The following VPS13B variants were observed in gnomAD, a reference collection of about 807,000 sequenced individuals.
VPS13B encodes intermembrane lipid transfer protein VPS13B.
Under a neutral mutation model 426.4 loss-of-function variants are expected in VPS13B, and 285 were observed. The ratio of observed to expected loss-of-function variants is 0.67; its 90% CI spans 0.61 to 0.74. VPS13B has a LOEUF of 0.74. Among genes scored for constraint, VPS13B ranks in the 30% least tolerant of loss-of-function variants. The pLI, the probability that VPS13B is intolerant of heterozygous loss-of-function variation, is 0.00. For synonymous variants in VPS13B, 1,676 were observed against 1,676.4 expected, an observed-to-expected ratio of 1.00 and a Z score of 0.01; for missense variants, 4,537 against 4,782.6, an observed-to-expected ratio of 0.95 and a Z score of 1.51.
At position 99,430,457 on chromosome 8, in the gene VPS13B, T is replaced by C. The variant is rs552555081; in HGVS notation, c.3083-1080T>C. Among the ~76,000 whole-genome samples the C allele has an allele frequency of 1.8e-4, 28 of 152,324 alleles. No homozygotes were observed. In the East Asian group the frequency reaches 3.7e-3, roughly 20 times the overall value. On this transcript the variant is annotated intron_variant, in intron 21 of 61. Transcript: ENST00000357162. ...TATGTATTTGAATTAACATAAGCTG[T>C]ATTATATAAATGTATCCAGTTTTAA...
intron 35 of VPS13B, among the ~76,000 whole-genome samples, chr8:99,677,021 C>T (rs904657697): frequency 6.6e-6 from 1 of 151,966 alleles, no homozygotes; most frequent in African/African-American, 2.4e-5. Context: ...GAGGCTAAGG[C>T]AGAAGAATCG....
rs1563523564 is a variant in VPS13B, at chr8:99,876,196, C to CCTT, written c.*531_*533dup. 1.2e-5 allele frequency: 2 copies of CCTT among 165,312 alleles called. No individual in the cohort carries two copies. Among genetic ancestry groups the CCTT allele is most frequent in the African/African-American group, 4.8e-5 (2 of 41,562 alleles). 10.2% of individuals were successfully genotyped at this position (165,312 alleles called of 1,614,324 possible). A position where few individuals can be genotyped will look rare whatever the true frequency, so the allele number is the denominator to read the frequency against. On this transcript the variant is annotated 3_prime_UTR_variant, in exon 62 of 62. Coordinates refer to ENST00000357162, the MANE Select transcript of VPS13B (RefSeq NM_152564.5). ...CATCTGTTTTTGGGCTGAGTCACCA[C>CCTT]CTTTGCCTCATGCTCCTTTGTCTGC...
intron 35 of VPS13B, among the ~76,000 whole-genome samples, chr8:99,695,770 C>CTAA (rs1328599722): frequency 6.7e-6 from 1 of 148,326 alleles, no homozygotes; most frequent in African/African-American, 2.5e-5. Flanking sequence ...AAGGAAGGAA[C>CTAA]ACTTACAAGG....
chr8:99,200,590 A>G (rs549815308), intron 17 of VPS13B, among the ~76,000 whole-genome samples: 53 of 152,188 alleles, frequency 3.5e-4, no homozygotes, highest in Non-Finnish European at 6.3e-4. Flanking sequence ...TGTTCCAGCC[A>G]TCATTGTAGG....
intron 39 of VPS13B, among the ~76,000 whole-genome samples, chr8:99,756,299 T>C (rs1810639815): frequency 6.6e-6 from 1 of 152,160 alleles, no homozygotes; most frequent in Non-Finnish European, 1.5e-5. Flanking sequence ...TTTGAGATTA[T>C]TGAGTCTGAA....
chr8:99,317,569 A>G (rs529774279), intron 19 of VPS13B, among the ~76,000 whole-genome samples: 15 of 152,174 alleles, frequency 9.9e-5, no homozygotes, highest in Non-Finnish European at 2.1e-4. Context: ...TTAATAAATT[A>G]TATGTTAACT....
At chr8:99,175,363 C>T (rs1038269222) in intron 16 of VPS13B, among the ~76,000 whole-genome samples, 1 of 152,048 alleles carries the variant, frequency 6.6e-6, no homozygotes, top group Non-Finnish European at 1.5e-5. Flanking sequence ...GCAGATGAAC[C>T]ATTTAGCCTA....
intron 19 of VPS13B, among the ~76,000 whole-genome samples, chr8:99,360,152 T>TC (rs1812437864): frequency 2.9e-5 from 1 of 34,674 alleles, no homozygotes; most frequent in African/African-American, 1.4e-4. Flanking sequence ...CTTTCTTTCT[T>TC]TCTTTCTTTC....
At chr8:99,325,405 A>G (rs1031959992) in intron 19 of VPS13B, among the ~76,000 whole-genome samples, 3 of 152,218 alleles carry the variant, frequency 2.0e-5, no homozygotes, top group African/African-American at 7.2e-5. Flanking sequence ...AGACTATCAG[A>G]TAAAATCCAA....
chr8:99,355,478 C>T (rs1812133636), intron 19 of VPS13B, among the ~76,000 whole-genome samples: 1 of 152,150 alleles, frequency 6.6e-6, no homozygotes, highest in African/African-American at 2.4e-5. Flanking sequence ...GTAATCCCAG[C>T]TACTCAGGAG....
intron 19 of VPS13B, among the ~76,000 whole-genome samples, chr8:99,289,886 G>A (rs1819637817): frequency 6.6e-6 from 1 of 152,026 alleles, no homozygotes; most frequent in Admixed American, 6.6e-5. Context: ...TCTATTTTGA[G>A]TGGGAGACTT....
In VPS13B at chr8:99,502,939, C is replaced by G; in HGVS notation, c.4146C>G (p.His1382Gln). 2 of 1,601,916 alleles carry G rather than the reference C, an allele frequency of 1.2e-6. No individual in the cohort carries two copies. Among genetic ancestry groups the G allele is most frequent in the Non-Finnish European group, 1.7e-6 (2 of 1,169,624 alleles). ...AAATAGAGAGTTTCAATATTGATCA[C>G]TATAGAAGCAGGTAAATAATGAATA... ...KCKIESFNID[H>Q]YRSRPGEGWQ... is the part of the protein sequence containing the mutation. Residue 1382 changes from histidine to glutamine, a missense_variant, in exon 27 of 62, where the codon CAC becomes CAG. His to Gln is a conservative substitution (Grantham distance 24). This residue lies in a region of VPS13B where 4,311 missense variants were observed against 4,474.3 expected (regional missense o/e 0.96). Coordinates refer to ENST00000357162, the MANE Select transcript of VPS13B (RefSeq NM_152564.5).
intron 16 of VPS13B, among the ~76,000 whole-genome samples, chr8:99,190,854 C>T (rs1813528669): frequency 1.3e-5 from 2 of 151,888 alleles, no homozygotes; most frequent in African/African-American, 4.8e-5. Context: ...AAAAAATTCA[C>T]CCATATATTT....
At chr8:99,311,620 G>A (rs1820979772) in intron 19 of VPS13B, among the ~76,000 whole-genome samples, 1 of 152,226 alleles carries the variant, frequency 6.6e-6, no homozygotes, top group Admixed American at 6.5e-5. Flanking sequence ...TAAGTGTGCT[G>A]TGGTGCTGAG....
chr8:99,688,803 G>A (rs566271708), intron 35 of VPS13B, among the ~76,000 whole-genome samples: 51 of 152,014 alleles, frequency 3.4e-4, no homozygotes, highest in South Asian at 4.1e-4. Flanking sequence ...AGCCTTCAGC[G>A]TGAACATCCA....
intron 17 of VPS13B, among the ~76,000 whole-genome samples, chr8:99,273,522 C>T (rs1156376686): frequency 6.6e-6 from 1 of 151,978 alleles, no homozygotes; most frequent in African/African-American, 2.4e-5. Flanking sequence ...TGGTGGTGCA[C>T]GCCTGTAATC....
chr8:99,058,560 A>G (rs931745477), intron 3 of VPS13B, among the ~76,000 whole-genome samples: 46 of 152,276 alleles, frequency 3.0e-4, no homozygotes, highest in African/African-American at 1.1e-3. Context: ...GGTCTCATGC[A>G]TATTAATACA....
At chr8:99,173,682 G>A (rs937020022) in intron 16 of VPS13B, among the ~76,000 whole-genome samples, 4 of 152,178 alleles carry the variant, frequency 2.6e-5, no homozygotes, top group Non-Finnish European at 2.9e-5. Context: ...GTGTTAGACT[G>A]ATTTTTCAGC....
chr8:99,765,710 A>G lies in VPS13B; in HGVS notation c.7051-1064A>G, dbSNP rs577443298. Among the ~76,000 whole-genome samples the G allele has an allele frequency of 2.0e-5, 3 of 152,292 alleles. No individual in the cohort carries two copies. In the South Asian group the frequency reaches 6.2e-4, roughly 32 times the overall value. On this transcript the variant is annotated intron_variant, in intron 39 of 61. Transcript: ENST00000357162. ...TTGTAAAATCTACCTTTTCTCTGTG[A>G]TTATGTATCATTTTCTCATTGATTT...
Sources: allele counts gnomAD v4.1 joint callset (sites outside exome capture counted in the v4.1 genomes callset), GRCh38; gene constraint gnomAD v4.1.1; regional missense constraint gnomAD v4.1.1; transcripts MANE v1.5; gene names NCBI Gene and HGNC (gene_info 2026-07-23, HGNC 2026-07-21).